Variants in FAT3 observed in about 807,000 individuals in gnomAD.
FAT3 encodes the protein protocadherin Fat 3.
In FAT3, 95 loss-of-function variants were observed where a neutral mutation model predicts 310.2. The observed-to-expected ratio is 0.31, with a 90% CI of 0.26 to 0.36. The LOEUF (loss-of-function observed/expected upper bound fraction) is 0.36. Among genes scored for constraint, FAT3 ranks in the 10% least tolerant of loss-of-function variants. The pLI, the probability that FAT3 is intolerant of heterozygous loss-of-function variation, is 1.00. For missense variants in FAT3, 5,408 were observed against 5,715.6 expected, an observed-to-expected ratio of 0.95 and a Z score of 1.74; for synonymous variants, 2,314 against 2,192.9, an observed-to-expected ratio of 1.06 and a Z score of -1.54.
In FAT3 at chr11:92,809,851, A is replaced by C. The variant is rs550238744; in HGVS notation, c.9256A>C (p.Lys3086Gln). The C allele has an allele frequency of 1.2e-4, 190 of 1,611,922 alleles. No individual in the cohort carries two copies. In the East Asian group the frequency reaches 4.1e-3, roughly 35 times the overall value. ...GCCATTTATTTTCACAGGCGAGTTA[A>C]AAACCTTGGCTCTGTTGGACCGGGA... ...FFLDPESGEL[K>Q]TLALLDRERI... The change falls in exon 13 of 28, where the codon AAA (lysine) becomes CAA (glutamine). Residue 3086 changes from lysine (K) to glutamine (Q), a missense_variant. Lys to Gln is a moderately conservative substitution (Grantham distance 53). Around this residue, in one of 5 missense-constraint regions of FAT3, gnomAD observed 4,588 missense variants for 4,809.8 expected, o/e 0.95. Coordinates refer to ENST00000525166, the MANE Select transcript of FAT3 (RefSeq NM_001367949.2).
At chr11:92,391,928 A>G (rs1591216471) in intron 2 of FAT3, among the ~76,000 whole-genome samples, 1 of 152,288 alleles carries the variant, frequency 6.6e-6, no homozygotes, top group Middle Eastern at 3.4e-3. Context: ...CTTTTCATAG[A>G]TGAGGAATCC....
At chr11:92,490,459 A>T (rs1952568427) in intron 2 of FAT3, among the ~76,000 whole-genome samples, 1 of 152,148 alleles carries the variant, frequency 6.6e-6, no homozygotes, top group African/African-American at 2.4e-5. Flanking sequence ...CTCCTTTCAG[A>T]TAACTTCCTG....
intron 2 of FAT3, among the ~76,000 whole-genome samples, chr11:92,505,196 C>T (rs1953062354): frequency 6.6e-6 from 1 of 152,094 alleles, no homozygotes; most frequent in Non-Finnish European, 1.5e-5. Context: ...CTGCCTGCTA[C>T]CTCCGTTGAA....
intron 1 of FAT3, chr11:92,314,216 T>G: frequency 5.5e-6 from 4 of 727,954 alleles, no homozygotes; most frequent in Non-Finnish European, 6.7e-6. Flanking sequence ...GAATGAAGTT[T>G]TGTGGTTTTG....
At chr11:92,374,291 A>T (rs967012641) in intron 2 of FAT3, among the ~76,000 whole-genome samples, 2 of 152,184 alleles carry the variant, frequency 1.3e-5, no homozygotes, top group Non-Finnish European at 1.5e-5. Flanking sequence ...TCTAGTGGGG[A>T]TGTTGCACTT....
At chr11:92,773,348 A>C (rs779574617) in intron 6 of FAT3, among the ~76,000 whole-genome samples, 1 of 152,204 alleles carries the variant, frequency 6.6e-6, no homozygotes, top group Non-Finnish European at 1.5e-5. Context: ...GGTGTTATAT[A>C]AGCTGATGTT....
intron 3 of FAT3, among the ~76,000 whole-genome samples, chr11:92,576,139 G>A (rs564330404): frequency 4.3e-4 from 65 of 152,110 alleles, no homozygotes; most frequent in Admixed American, 1.2e-3. Flanking sequence ...GCGTCTTAAG[G>A]GAGGACTTCA....
chr11:92,297,286 A>G (rs540813046), intron 1 of FAT3, among the ~76,000 whole-genome samples: 127 of 152,160 alleles, frequency 8.3e-4, no homozygotes, highest in African/African-American at 2.9e-3. Context: ...TTTTATTAAA[A>G]TTGTTTATGC....
At chr11:92,820,057 T>C (rs530527525) in intron 13 of FAT3, among the ~76,000 whole-genome samples, 1 of 152,304 alleles carries the variant, frequency 6.6e-6, no homozygotes, top group East Asian at 1.9e-4. Context: ...ATGATATCAC[T>C]TCAGAGATTA....
chr11:92,395,854 C>T (rs936664545), intron 2 of FAT3, among the ~76,000 whole-genome samples: 1 of 152,202 alleles, frequency 6.6e-6, no homozygotes, highest in Non-Finnish European at 1.5e-5. Flanking sequence ...GCTGGGATTA[C>T]AGGCATCAGC....
intron 1 of FAT3, chr11:92,335,989 G>A: frequency 2.2e-6 from 1 of 452,032 alleles, no homozygotes; most frequent in Non-Finnish European, 4.3e-6. Flanking sequence ...GGCAGGCAAG[G>A]GGTGGGGAAG....
At chr11:92,714,249 T>C (rs1413126013) in intron 4 of FAT3, among the ~76,000 whole-genome samples, 1 of 152,210 alleles carries the variant, frequency 6.6e-6, no homozygotes, top group Non-Finnish European at 1.5e-5. Flanking sequence ...GTCACAATGT[T>C]CTGCCTACTA....
intron 2 of FAT3, among the ~76,000 whole-genome samples, chr11:92,470,127 G>A (rs1466681475): frequency 6.6e-6 from 1 of 152,168 alleles, no homozygotes; most frequent in Non-Finnish European, 1.5e-5. Context: ...GAAAGAATTT[G>A]AGCCCTGAGA....
In FAT3 at chr11:92,892,550, T is replaced by A. The variant is rs1407852385; in HGVS notation, c.*1437T>A. ...CCTCAGCCTCCCAGGTTGCTGGGGT[T>A]ACAGGTGTGTGCCACCACGCCTGGC... On this transcript the variant is annotated 3_prime_UTR_variant, in exon 28 of 28. Transcript: ENST00000525166. The A allele has an allele frequency of 2.0e-5, 3 of 152,344 alleles. No homozygotes were observed. The East Asian group carries it at 5.8e-4, about 29-fold the overall frequency. 9.4% of individuals were successfully genotyped at this position (152,344 alleles called of 1,614,324 possible). A position where few individuals can be genotyped will look rare whatever the true frequency, so the allele number is the denominator to read the frequency against.
intron 3 of FAT3, among the ~76,000 whole-genome samples, chr11:92,590,459 A>G (rs1409947474): frequency 6.6e-6 from 1 of 152,138 alleles, no homozygotes; most frequent in Non-Finnish European, 1.5e-5. Flanking sequence ...GTAGAGGCCA[A>G]ATTGTGGGTG....
At chr11:92,682,630 A>G (rs1482909401) in intron 3 of FAT3, among the ~76,000 whole-genome samples, 3 of 152,242 alleles carry the variant, frequency 2.0e-5, no homozygotes, top group South Asian at 2.1e-4. Context: ...GTGATCAACC[A>G]TCTTAGTTTC....
chr11:92,226,872 G>T (rs1489842840), intron 1 of FAT3, among the ~76,000 whole-genome samples: 2 of 152,160 alleles, frequency 1.3e-5, no homozygotes, highest in East Asian at 3.9e-4. Context: ...CCGCGGTAAT[G>T]ATTGAAGTCT....
At chr11:92,371,155 C>T (rs1398844857) in intron 2 of FAT3, among the ~76,000 whole-genome samples, 2 of 152,212 alleles carry the variant, frequency 1.3e-5, no homozygotes, top group Non-Finnish European at 2.9e-5. Flanking sequence ...AGAAAGAGTT[C>T]ACTAACTCTC....
At chr11:92,565,804 G>T (rs1955415465) in intron 3 of FAT3, among the ~76,000 whole-genome samples, 1 of 152,172 alleles carries the variant, frequency 6.6e-6, no homozygotes, top group Non-Finnish European at 1.5e-5. Flanking sequence ...TATCTCAATA[G>T]ATGCAGAAAA....
Sources: gnomAD v4.1 joint callset for allele counts (sites outside exome capture counted in the v4.1 genomes callset) on GRCh38, gnomAD v4.1.1 for gene constraint, gnomAD v4.1.1 regional missense constraint, MANE v1.5 for transcripts, NCBI Gene and HGNC (gene_info 2026-07-23, HGNC 2026-07-21) for gene names.